Variants in KCNH5 observed in about 807,000 individuals in gnomAD.
KCNH5 encodes voltage-gated delayed rectifier potassium channel KCNH5.
In KCNH5, 46 loss-of-function variants were observed where a neutral mutation model predicts 96.1. The observed-to-expected ratio is 0.48, with a 90% confidence interval of 0.38 to 0.61. The LOEUF (loss-of-function observed/expected upper bound fraction) is 0.61, where lower values mean the gene tolerates loss of function less well. Ranked by LOEUF, KCNH5 falls within the 20% of genes least tolerant of loss-of-function variation. The pLI, the probability that KCNH5 is intolerant of heterozygous loss-of-function variation, is 0.00. For synonymous variants in KCNH5, 439 were observed against 449.8 expected (o/e 0.98, Z 0.30); for missense variants, 907 against 1,225.8 (o/e 0.74, Z 3.88).
At chr14:63,027,439 T>C (rs1891544323) in intron 1 of KCNH5, among the ~76,000 whole-genome samples, 1 of 151,384 alleles carries the variant, frequency 6.6e-6, no homozygotes, top group African/African-American at 2.4e-5. Context: ...CAAAGCATTA[T>C]GTTTCCTAGA....
intron 4 of KCNH5, among the ~76,000 whole-genome samples, chr14:62,998,394 C>A (rs1190287234): frequency 6.6e-6 from 1 of 152,104 alleles, no homozygotes; most frequent in South Asian, 2.1e-4. Context: ...ATGACCTGTT[C>A]AAAGAACCAG....
intron 9 of KCNH5, among the ~76,000 whole-genome samples, chr14:62,800,693 T>C (rs2139998345): frequency 6.6e-6 from 1 of 152,326 alleles, no homozygotes; most frequent in South Asian, 2.1e-4. Flanking sequence ...TATCCTCTTC[T>C]TTAAGCAAAC....
chr14:62,756,912 C>T (rs938450915), intron 10 of KCNH5, among the ~76,000 whole-genome samples: 1 of 152,140 alleles, frequency 6.6e-6, no homozygotes, highest in Non-Finnish European at 1.5e-5. Flanking sequence ...AGTAATACTC[C>T]ATAAGCACAG....
intron 7 of KCNH5, among the ~76,000 whole-genome samples, chr14:62,878,597 A>G (rs978203549): frequency 2.6e-5 from 4 of 152,186 alleles, no homozygotes; most frequent in Admixed American, 2.0e-4. Context: ...AAAATATATA[A>G]AGAATACTTA....
intron 7 of KCNH5, among the ~76,000 whole-genome samples, chr14:62,910,941 A>ACACACACCCC (rs61033705): frequency 1.2e-3 from 165 of 140,872 alleles, no homozygotes; most frequent in South Asian, 6.8e-3. Context: ...ACACACACAC[A>ACACACACCCC]CCCCTCTGTT....
chr14:62,889,606 G>C (rs192224592), intron 7 of KCNH5, among the ~76,000 whole-genome samples: 1 of 152,096 alleles, frequency 6.6e-6, no homozygotes, highest in African/African-American at 2.4e-5. Context: ...CTGCCTCTCC[G>C]ATTCCTAAGA....
chr14:62,785,341 G>T (rs950583388), intron 9 of KCNH5, among the ~76,000 whole-genome samples: 6 of 152,172 alleles, frequency 3.9e-5, no homozygotes, highest in African/African-American at 1.4e-4. Flanking sequence ...AATATCTAAC[G>T]TGCATGCATC....
intron 9 of KCNH5, among the ~76,000 whole-genome samples, chr14:62,785,590 T>C (rs1566659878): frequency 1.3e-5 from 2 of 152,220 alleles, no homozygotes; most frequent in Non-Finnish European, 2.9e-5. Flanking sequence ...AACATGAAAG[T>C]TGTTGTTTGG....
intron 7 of KCNH5, among the ~76,000 whole-genome samples, chr14:62,882,606 T>C (rs1446710417): frequency 2.6e-5 from 4 of 152,186 alleles, no homozygotes; most frequent in Non-Finnish European, 5.9e-5. Context: ...CCTGGAGAAA[T>C]AGGGCCACCA....
intron 10 of KCNH5, among the ~76,000 whole-genome samples, chr14:62,740,240 G>A (rs1268931670): frequency 6.6e-6 from 1 of 152,160 alleles, no homozygotes; most frequent in Non-Finnish European, 1.5e-5. Flanking sequence ...GGGTATTTGT[G>A]AGGGTATATT....
intron 1 of KCNH5, among the ~76,000 whole-genome samples, chr14:63,024,253 C>T (rs765964423): frequency 1.3e-4 from 19 of 150,612 alleles, no homozygotes; most frequent in African/African-American, 1.7e-4. Flanking sequence ...AAAACAGAAC[C>T]ACAACATACC....
chr14:62,888,596 C>T (rs575820770), intron 7 of KCNH5, among the ~76,000 whole-genome samples: 30 of 152,028 alleles, frequency 2.0e-4, no homozygotes, highest in Non-Finnish European at 2.9e-4. Flanking sequence ...CTATAAGACT[C>T]TGTCTTATGG....
rs138330110 is a variant in KCNH5 at position 62,934,370 on chromosome 14, T to G, written c.1369+15763A>C. Among the ~76,000 whole-genome samples the G allele has an allele frequency of 2.0e-4, 31 of 152,314 alleles. No individual in the cohort carries two copies. The East Asian group carries it at 3.3e-3, about 16-fold the overall frequency. On this transcript the variant is annotated intron_variant, in intron 7 of 10. Transcript: ENST00000322893. ...ATCTAACTTGAAGCAGTCCTGACCT[T>G]GTGTTGCCCTCTATAGAAGAGACTA...
At chr14:62,867,738 T>C (rs1888162620) in intron 7 of KCNH5, among the ~76,000 whole-genome samples, 1 of 152,050 alleles carries the variant, frequency 6.6e-6, no homozygotes, top group Non-Finnish European at 1.5e-5. Flanking sequence ...TCTCTAACCC[T>C]CTCTTCCTCC....
At chr14:62,946,348 A>T (rs1889886213) in intron 7 of KCNH5, among the ~76,000 whole-genome samples, 1 of 152,140 alleles carries the variant, frequency 6.6e-6, no homozygotes, top group Admixed American at 6.6e-5. Context: ...GTGCTAGTAC[A>T]TCCACTCTGT....
chr14:62,857,731 A>G (rs1887957326), intron 7 of KCNH5, among the ~76,000 whole-genome samples: 1 of 152,180 alleles, frequency 6.6e-6, no homozygotes, highest in Non-Finnish European at 1.5e-5. Flanking sequence ...GCCCACCCAG[A>G]TTATGGGTGG....
intron 1 of KCNH5, among the ~76,000 whole-genome samples, chr14:63,035,096 G>A (rs557287707): frequency 8.9e-4 from 136 of 152,240 alleles, no homozygotes; most frequent in Non-Finnish European, 1.6e-3. Flanking sequence ...TAAGACTTAT[G>A]CTAGTTACAT....
chr14:62,797,337 T>A (rs1002007776), intron 9 of KCNH5, among the ~76,000 whole-genome samples: 3 of 152,240 alleles, frequency 2.0e-5, no homozygotes, highest in Non-Finnish European at 4.4e-5. Flanking sequence ...CAAGTATGCA[T>A]GTTTTTAAAA....
chr14:63,026,730 G>T, intron 1 of KCNH5, among the ~76,000 whole-genome samples: 1 of 151,896 alleles, frequency 6.6e-6, no homozygotes, highest in East Asian at 1.9e-4. Flanking sequence ...GCCAAGAAAT[G>T]GGAACTCTTC....
Sources: allele counts gnomAD v4.1 joint callset (sites outside exome capture counted in the v4.1 genomes callset), GRCh38; gene constraint gnomAD v4.1.1; transcripts MANE v1.5; gene names NCBI Gene and HGNC (gene_info 2026-07-23, HGNC 2026-07-21).